Variants in SATB2 observed in about 807,000 individuals in gnomAD.
The protein encoded by SATB2 is DNA-binding protein SATB2.
SATB2 carries 1 observed loss-of-function variant against 73.4 expected under a neutral mutation model. The observed-to-expected ratio is 0.01, with a 90% confidence interval of 0.00 to 0.06. The LOEUF (loss-of-function observed/expected upper bound fraction) is 0.06, where lower values mean the gene tolerates loss of function less well. SATB2 is among the 10% of genes least tolerant of loss of function. SATB2 has a pLI of 1.00. For synonymous variants in SATB2, 397 were observed against 367.0 expected (o/e 1.08, Z -0.93); for missense variants, 459 against 945.8 (o/e 0.49, Z 6.75).
At chr2:199,458,455 C>T (rs1231625603), upstream of SATB2, 9 of 391,594 alleles carry the variant, frequency 2.3e-5, no homozygotes, top group South Asian at 1.2e-4. Flanking sequence ...GAACCGAGTG[C>T]GGCGCGAGGC....
At chr2:199,372,810 T>C (rs918934144) in intron 5 of SATB2, among the ~76,000 whole-genome samples, 17 of 152,204 alleles carry the variant, frequency 1.1e-4, no homozygotes, top group Middle Eastern at 3.2e-3. Context: ...AGGCCCCTTA[T>C]ACAAGTTAAC....
chr2:199,407,918 C>T (rs1574599097), intron 3 of SATB2, among the ~76,000 whole-genome samples: 3 of 152,054 alleles, frequency 2.0e-5, no homozygotes, highest in East Asian at 1.9e-4. Context: ...AATATTTTCA[C>T]TCAAAGTTCA....
intron 9 of SATB2, among the ~76,000 whole-genome samples, chr2:199,311,624 T>C (rs1035697196): frequency 2.0e-5 from 3 of 152,166 alleles, no homozygotes; most frequent in Admixed American, 1.3e-4. Flanking sequence ...TGATGCCATA[T>C]ATAGGTATTT....
intron 10 of SATB2, among the ~76,000 whole-genome samples, chr2:199,288,768 GA>G (rs540820846): frequency 9.3e-4 from 138 of 149,030 alleles, no homozygotes; most frequent in Admixed American, 1.4e-3. Flanking sequence ...TCTGGTAAAA[GA>G]AAAAAAAAAT....
At chr2:199,396,055 C>G (rs1690291176) in intron 3 of SATB2, 1 of 152,196 alleles carries the variant, frequency 6.6e-6, no homozygotes, top group Non-Finnish European at 1.5e-5. Flanking sequence ...CGTGCTAAAG[C>G]TCCAGTGATT....
At chr2:199,443,331 A>G (rs1418588140) in intron 2 of SATB2, among the ~76,000 whole-genome samples, 1 of 152,164 alleles carries the variant, frequency 6.6e-6, no homozygotes, top group Non-Finnish European at 1.5e-5. Context: ...AGGAATTAAT[A>G]AAGGAATCAA....
intron 10 of SATB2, among the ~76,000 whole-genome samples, chr2:199,305,727 C>T (rs1687414486): frequency 1.3e-5 from 2 of 152,088 alleles, no homozygotes; most frequent in Non-Finnish European, 1.5e-5. Context: ...TATTCCAGTA[C>T]ATCTATGTAC....
chr2:199,278,548 T>G (rs1692387555), intron 10 of SATB2, among the ~76,000 whole-genome samples: 1 of 152,178 alleles, frequency 6.6e-6, no homozygotes, highest in African/African-American at 2.4e-5. Flanking sequence ...ATGGAGTGCT[T>G]GGCATTCCAC....
intron 3 of SATB2, among the ~76,000 whole-genome samples, chr2:199,398,716 A>G (rs1690378142): frequency 2.0e-5 from 3 of 152,224 alleles, no homozygotes; most frequent in African/African-American, 7.2e-5. Context: ...CCAAATGTAA[A>G]CTACTATTAT....
Position 199,395,398 on chromosome 2 carries a change from T to A in SATB2, c.347-13578A>T, listed in dbSNP as rs761617463. Among the ~76,000 whole-genome samples the A allele has an allele frequency of 7.9e-5, 12 of 152,314 alleles. No individual in the cohort carries two copies. In the South Asian group the frequency reaches 1.2e-3, roughly 16 times the overall value. On this transcript the variant is annotated intron_variant, in intron 3 of 10. Transcript: ENST00000417098. ...ATTAATTTTTAAATTCTGATAACAGTTTCCAGTATGAGTCAAGGTAAGTTA... is the reference window on the plus strand; with the variant it reads ...ATTAATTTTTAAATTCTGATAACAGATTCCAGTATGAGTCAAGGTAAGTTA...
intron 8 of SATB2, among the ~76,000 whole-genome samples, chr2:199,328,150 G>A (rs1279633347): frequency 6.6e-6 from 1 of 152,122 alleles, no homozygotes; most frequent in Non-Finnish European, 1.5e-5. Context: ...TACCACGTAT[G>A]GAAGAATGGG....
intron 3 of SATB2, among the ~76,000 whole-genome samples, chr2:199,413,715 C>A (rs748661901): frequency 2.6e-5 from 4 of 151,852 alleles, no homozygotes; most frequent in Non-Finnish European, 5.9e-5. Flanking sequence ...CAGAGCTTCA[C>A]GAGAGGCATT....
chr2:199,336,024 T>C (rs750279541), intron 7 of SATB2, among the ~76,000 whole-genome samples: 33 of 152,168 alleles, frequency 2.2e-4, no homozygotes, highest in Non-Finnish European at 4.0e-4. Flanking sequence ...CATTTGAGCA[T>C]GTACAATAGA....
At chr2:199,389,868 C>T (rs1212792616) in intron 3 of SATB2, among the ~76,000 whole-genome samples, 1 of 151,560 alleles carries the variant, frequency 6.6e-6, no homozygotes, top group East Asian at 1.9e-4. Flanking sequence ...GCTGACTACC[C>T]CCTTACACTA....
At chr2:199,338,587 C>A (rs1688407641) in intron 7 of SATB2, among the ~76,000 whole-genome samples, 1 of 152,008 alleles carries the variant, frequency 6.6e-6, no homozygotes. Context: ...AGTCTGGCAA[C>A]TAATTTTTAA....
At chr2:199,456,544 C>T (rs1692280781) in intron 1 of SATB2, among the ~76,000 whole-genome samples, 1 of 152,222 alleles carries the variant, frequency 6.6e-6, no homozygotes, top group Non-Finnish European at 1.5e-5. Context: ...AATTAACCAC[C>T]CGGTAAATGC....
chr2:199,421,810 A>C (rs890513875), intron 3 of SATB2, among the ~76,000 whole-genome samples: 1 of 152,238 alleles, frequency 6.6e-6, no homozygotes, highest in Non-Finnish European at 1.5e-5. Flanking sequence ...GTAAGAAAGC[A>C]AGCCAAATGA....
At chr2:199,421,406 C>T (rs1691165560) in intron 3 of SATB2, among the ~76,000 whole-genome samples, 1 of 152,128 alleles carries the variant, frequency 6.6e-6, no homozygotes, top group South Asian at 2.1e-4. Flanking sequence ...AATTCCCTAC[C>T]TCCAATAATG....
intron 10 of SATB2, among the ~76,000 whole-genome samples, chr2:199,305,829 C>T (rs547474964): frequency 8.5e-4 from 130 of 152,222 alleles, no homozygotes; most frequent in African/African-American, 3.0e-3. Context: ...AAATAGTGTA[C>T]CCTAATTACC....
Sources: gnomAD v4.1 joint callset for allele counts (sites outside exome capture counted in the v4.1 genomes callset) on GRCh38, gnomAD v4.1.1 for gene constraint, MANE v1.5 for transcripts, NCBI Gene and HGNC (gene_info 2026-07-23, HGNC 2026-07-21) for gene names.